GIGYF2: variants seen among roughly 807,000 people sequenced by gnomAD.
GIGYF2 encodes the protein GRB10 interacting GYF protein 2.
GIGYF2 carries 25 observed loss-of-function variants against 208.1 expected under a neutral mutation model. The observed-to-expected ratio is 0.12, with a 90% CI of 0.09 to 0.17. GIGYF2 has a LOEUF of 0.17. Among genes scored for constraint, GIGYF2 ranks in the 10% least tolerant of loss-of-function variants. GIGYF2 has a pLI of 1.00. For synonymous variants in GIGYF2, 534 were observed against 543.8 expected (o/e 0.98, Z 0.25); for missense variants, 1,302 against 1,579.4 (o/e 0.82, Z 2.98).
At chr2:232,838,446 C>T (rs1416661501) in intron 22 of GIGYF2, among the ~76,000 whole-genome samples, 1 of 152,190 alleles carries the variant, frequency 6.6e-6, no homozygotes, top group Non-Finnish European at 1.5e-5. Flanking sequence ...GGCACTGCCT[C>T]TATTCCCAGT....
chr2:232,827,290 T>A, intron 21 of GIGYF2, among the ~76,000 whole-genome samples: 1 of 152,166 alleles, frequency 6.6e-6, no homozygotes, highest in Non-Finnish European at 1.5e-5. Flanking sequence ...AACCAAAAGT[T>A]TTGTACGACT....
At chr2:232,755,806 G>T (rs1201129662) in intron 5 of GIGYF2, among the ~76,000 whole-genome samples, 1 of 152,052 alleles carries the variant, frequency 6.6e-6, no homozygotes, top group African/African-American at 2.4e-5. Flanking sequence ...AGACCTTTTG[G>T]TAACTCCCTT....
intron 12 of GIGYF2, among the ~76,000 whole-genome samples, chr2:232,794,301 T>C (rs1700157573): frequency 6.6e-6 from 1 of 152,224 alleles, no homozygotes; most frequent in African/African-American, 2.4e-5. Context: ...TATTGAATTA[T>C]ATTAATCATG....
At chr2:232,824,513 C>A (rs181750079) in intron 21 of GIGYF2, among the ~76,000 whole-genome samples, 1 of 152,274 alleles carries the variant, frequency 6.6e-6, no homozygotes, top group Admixed American at 6.5e-5. Context: ...AGAACAAGGC[C>A]TCAAAACTCT....
rs543079879 is a variant in GIGYF2 at position 232,834,103 on chromosome 2, A to G, written c.2766+1010A>G. ...AGAAGATAGTGGAACTGTTGATGGA[A>G]TTGGAGTAATTGGGAAGGGAGGAGC... On this transcript the variant is annotated intron_variant, in intron 22 of 28. Coordinates refer to ENST00000373563, the MANE Select transcript of GIGYF2 (RefSeq NM_001103146.3). 1.8e-3 allele frequency among the ~76,000 whole-genome samples: 278 copies of G among 152,156 alleles called. 1 individual carries two copies. The highest frequency in any genetic ancestry group is 2.9e-3 in the Non-Finnish European group (195 of 67,990).
intron 5 of GIGYF2, among the ~76,000 whole-genome samples, chr2:232,753,316 G>A (rs912695013): frequency 4.6e-5 from 7 of 151,922 alleles, no homozygotes; most frequent in African/African-American, 1.7e-4. Flanking sequence ...TAGAGATGGG[G>A]TTTCACCATG....
intron 3 of GIGYF2, among the ~76,000 whole-genome samples, chr2:232,745,744 G>A (rs533633461): frequency 7.2e-5 from 11 of 152,220 alleles, no homozygotes; most frequent in Middle Eastern, 3.4e-3. Context: ...AGGGAACCAA[G>A]CATTGATCAT....
chr2:232,836,315 TATATATATATATATACATATATATAC>T (rs1701617690), intron 22 of GIGYF2, among the ~76,000 whole-genome samples: 1 of 19,910 alleles, frequency 5.0e-5, no homozygotes, highest in Non-Finnish European at 1.1e-4. Context: ...TATATATATA[TATATATATATATATACATATATATAC>T]TTATATATTT....
At chr2:232,706,461 G>A (rs935106963) in intron 2 of GIGYF2, among the ~76,000 whole-genome samples, 2 of 152,074 alleles carry the variant, frequency 1.3e-5, no homozygotes, top group Admixed American at 1.3e-4. Flanking sequence ...CTGGGAAACA[G>A]GGAGATCATG....
intron 28 of GIGYF2, among the ~76,000 whole-genome samples, chr2:232,855,894 T>C (rs1019481371): frequency 2.0e-5 from 3 of 151,554 alleles, no homozygotes; most frequent in African/African-American, 7.3e-5. Flanking sequence ...CATTCTTTTC[T>C]CTGATTCTCT....
At chr2:232,761,345 A>G in intron 7 of GIGYF2, 51 bp from the exon 8 acceptor site, 1 of 1,210,790 alleles carries the variant, frequency 8.3e-7, no homozygotes, top group Non-Finnish European at 1.2e-6. Context: ...CACAGATAGG[A>G]AATCTATATC....
intron 5 of GIGYF2, among the ~76,000 whole-genome samples, chr2:232,752,473 C>T (rs1698370207): frequency 6.6e-6 from 1 of 152,308 alleles, no homozygotes; most frequent in Admixed American, 6.5e-5. Context: ...AAATGCATTA[C>T]ACCTGCAATT....
chr2:232,790,567 C>G lies in GIGYF2; in HGVS notation c.713-131C>G. 4 of 792,340 alleles carry G rather than the reference C, an allele frequency of 5.0e-6. No individual in the cohort carries two copies. The African/African-American group carries it at 5.1e-5, about 10-fold the overall frequency. 49.1% of individuals were successfully genotyped at this position (792,340 alleles called of 1,614,324 possible). On this transcript the variant is annotated intron_variant, in intron 9 of 28. Transcript: ENST00000373563. The stretch of plus-strand genomic sequence containing the variant: ...GAACTTCATTTAGTTGCCTAATGTT[C>G]TCTTTACTAGGTCAGTCCATTTGAG...
intron 2 of GIGYF2, among the ~76,000 whole-genome samples, chr2:232,710,975 A>T (rs921552456): frequency 2.6e-5 from 4 of 151,972 alleles, no homozygotes; most frequent in Non-Finnish European, 5.9e-5. Flanking sequence ...TGTTGGGATT[A>T]CAGGTGTGAA....
chr2:232,802,544 A>C (rs562460506), intron 14 of GIGYF2, among the ~76,000 whole-genome samples: 2 of 152,186 alleles, frequency 1.3e-5, no homozygotes, highest in East Asian at 3.9e-4. Context: ...ATCAATTTTC[A>C]TATATTGATG....
rs10645449 is a variant in GIGYF2 at position 232,784,386 on chromosome 2, C to CTTTTTTTTTTTTTTTTT, written c.533-2759_533-2743dup. The stretch of plus-strand genomic sequence containing the variant: ...TCTAGCTACTTACACGAAATAATTT[C>CTTTTTTTTTTTTTTTTT]TTTTTTTTTTTTTTTTTTTTTGAGA... On this transcript the variant is annotated intron_variant, in intron 8 of 28. Transcript: ENST00000373563. Among the ~76,000 whole-genome samples, 14 of 92,310 alleles carry CTTTTTTTTTTTTTTTTT rather than the reference C, an allele frequency of 1.5e-4. 2 individuals carry two copies. Among genetic ancestry groups the CTTTTTTTTTTTTTTTTT allele is most frequent in the Non-Finnish European group, 2.7e-4 (13 of 49,046 alleles). The allele number at this position is 92,310 out of a possible 152,430, so 60.6% of individuals were successfully genotyped here.
At chr2:232,824,664 T>C (rs563399765) in intron 21 of GIGYF2, among the ~76,000 whole-genome samples, 2 of 152,360 alleles carry the variant, frequency 1.3e-5, no homozygotes, top group Admixed American at 6.5e-5. Context: ...AGTGCTGATG[T>C]AGAAGCTGCA....
intron 8 of GIGYF2, among the ~76,000 whole-genome samples, chr2:232,773,287 T>G (rs948180832): frequency 6.6e-5 from 10 of 152,210 alleles, no homozygotes; most frequent in African/African-American, 1.9e-4. Flanking sequence ...ATAGGCACTG[T>G]GATAACTGCT....
intron 14 of GIGYF2, among the ~76,000 whole-genome samples, chr2:232,798,113 A>G (rs1207160619): frequency 1.3e-5 from 2 of 152,026 alleles, no homozygotes; most frequent in Admixed American, 1.3e-4. Flanking sequence ...AGCAATGACT[A>G]ATCTGTTCTC....
Sources: allele counts gnomAD v4.1 joint callset (sites outside exome capture counted in the v4.1 genomes callset), GRCh38; gene constraint gnomAD v4.1.1; transcripts MANE v1.5; gene names NCBI Gene and HGNC (gene_info 2026-07-23, HGNC 2026-07-21).